Variants in RAD51B observed in about 807,000 individuals in gnomAD.
The protein encoded by RAD51B is DNA repair protein RAD51 homolog 2.
In RAD51B, 38 loss-of-function variants were observed where a neutral mutation model predicts 42.2. The ratio of observed to expected loss-of-function variants is 0.90; its 90% confidence interval spans 0.70 to 1.18. The LOEUF (loss-of-function observed/expected upper bound fraction) is 1.18, where lower values mean the gene tolerates loss of function less well. Among genes scored for constraint, RAD51B ranks in the 50% most tolerant of loss-of-function variants. The probability of loss-of-function intolerance (pLI) is 0.00; values close to 1 mark genes in which losing one functional copy is unlikely to be tolerated. For missense variants in RAD51B, 373 were observed against 400.7 expected (o/e 0.93, Z 0.59); for synonymous variants, 154 against 145.2 (o/e 1.06, Z -0.43).
rs546858618 is a variant in RAD51B at position 67,969,858 on chromosome 14, C to T, written c.756+82654C>T. 9.5e-4 allele frequency among the ~76,000 whole-genome samples: 145 copies of T among 152,142 alleles called. 1 individual carries two copies. The highest frequency in any genetic ancestry group is 3.2e-3 in the African/African-American group (134 of 41,510). On this transcript the variant is annotated intron_variant, in intron 7 of 10. Coordinates refer to ENST00000471583, the MANE Select transcript of RAD51B (RefSeq NM_133510.4). Reference sequence around the variant, plus strand: ...CAAACTGTAGACTAATCAATTAGACCACTAGTATTTGAATTTTTTTCTTTT... The same window carrying T: ...CAAACTGTAGACTAATCAATTAGACTACTAGTATTTGAATTTTTTTCTTTT...
At chr14:68,594,667 G>A in exon 11 of RAD51B, 2 of 1,278,566 alleles carry the variant, frequency 1.6e-6, no homozygotes, top group South Asian at 1.3e-5. Context: ...GGCTTCAAGA[G>A]ATCCACCCAC....
chr14:67,867,984 A>G (rs1354042538), intron 5 of RAD51B, among the ~76,000 whole-genome samples: 1 of 152,222 alleles, frequency 6.6e-6, no homozygotes, highest in Non-Finnish European at 1.5e-5. Context: ...ATTTCTTCCT[A>G]TAAATATCTA....
chr14:67,907,534 G>A (rs1260068069), intron 7 of RAD51B, among the ~76,000 whole-genome samples: 1 of 152,100 alleles, frequency 6.6e-6, no homozygotes, highest in East Asian at 1.9e-4. Context: ...TCATATGAAA[G>A]CTTGTTCATG....
rs1215301989 is a variant in RAD51B at position 67,889,726 on chromosome 14, G to A, written c.756+2522G>A. Among the ~76,000 whole-genome samples the A allele has an allele frequency of 1.6e-4, 25 of 151,918 alleles. 1 individual carries two copies. The highest frequency in any genetic ancestry group is 1.6e-3 in the Admixed American group (24 of 15,222). ...TCTACGTTAGTCCCTGAGAATTAAA[G>A]AGGAATTAATCGATATCACTTGATT... On this transcript the variant is annotated intron_variant, in intron 7 of 10. Coordinates refer to ENST00000471583, the MANE Select transcript of RAD51B (RefSeq NM_133510.4).
At chr14:68,470,081 C>T (rs879574278) in intron 10 of RAD51B, among the ~76,000 whole-genome samples, 3 of 152,034 alleles carry the variant, frequency 2.0e-5, no homozygotes, top group Non-Finnish European at 2.9e-5. Flanking sequence ...AATGACTTTT[C>T]GAAAAAGTTG....
At chr14:68,414,859 TAAA>T (rs33968049) in intron 9 of RAD51B, among the ~76,000 whole-genome samples, 8 of 71,220 alleles carry the variant, frequency 1.1e-4, no homozygotes, top group African/African-American at 2.9e-4. Context: ...CCATCTCTAC[TAAA>T]AAAAAAAAAA....
chr14:68,648,112 C>CGTATATATACGTAT (rs1555434149), intron 10 of RAD51B, among the ~76,000 whole-genome samples: 1 of 39,510 alleles, frequency 2.5e-5, no homozygotes, highest in Non-Finnish European at 4.6e-5. Flanking sequence ...TATACACACA[C>CGTATATATACGTAT]GTATATATAT....
chr14:68,109,672 C>T (rs1338072837), intron 7 of RAD51B, among the ~76,000 whole-genome samples: 1 of 151,836 alleles, frequency 6.6e-6, no homozygotes, highest in Non-Finnish European at 1.5e-5. Flanking sequence ...ATATAGATAG[C>T]AAGGAGCCAT....
At chr14:68,497,142 G>T (rs1013789067) in intron 10 of RAD51B, 1 of 1,398,284 alleles carries the variant, frequency 7.2e-7, no homozygotes, top group Non-Finnish European at 9.6e-7. Flanking sequence ...AATTCCTAGA[G>T]ACAGATAAAT....
At chr14:68,306,313 G>A (rs2081861225) in intron 8 of RAD51B, among the ~76,000 whole-genome samples, 1 of 152,202 alleles carries the variant, frequency 6.6e-6, no homozygotes, top group Non-Finnish European at 1.5e-5. Context: ...GCACTTTCAA[G>A]TTCAGGTAAT....
intron 10 of RAD51B, among the ~76,000 whole-genome samples, chr14:68,533,676 GAGA>G (rs142693376): frequency 0.059 from 8,933 of 152,090 alleles, 753 homozygotes; most frequent in African/African-American, 0.19. Context: ...GGTCTGAGGG[GAGA>G]AGAGATAAAT....
chr14:68,600,928 G>A (rs1891191155), downstream of RAD51B, among the ~76,000 whole-genome samples: 1 of 152,204 alleles, frequency 6.6e-6, no homozygotes, highest in Non-Finnish European at 1.5e-5. Context: ...AAGAATTGAG[G>A]TATTTCCTTA....
intron 7 of RAD51B, among the ~76,000 whole-genome samples, chr14:68,060,861 G>C (rs1341015336): frequency 6.6e-6 from 1 of 152,034 alleles, no homozygotes; most frequent in Non-Finnish European, 1.5e-5. Flanking sequence ...TGTTTTTAGT[G>C]CCTTTGTCAA....
chr14:68,423,028 G>A (rs1294035071), intron 9 of RAD51B, among the ~76,000 whole-genome samples: 1 of 152,128 alleles, frequency 6.6e-6, no homozygotes, highest in Non-Finnish European at 1.5e-5. Context: ...TTGCATCTCA[G>A]ACAAAGACTG....
chr14:68,371,755 G>C (rs1248310504), intron 8 of RAD51B, among the ~76,000 whole-genome samples: 1 of 152,222 alleles, frequency 6.6e-6, no homozygotes, highest in Non-Finnish European at 1.5e-5. Context: ...GGGGGCTGAG[G>C]TGGGAGAATG....
At chr14:68,405,356 A>G (rs539472937) in intron 8 of RAD51B, among the ~76,000 whole-genome samples, 3 of 152,248 alleles carry the variant, frequency 2.0e-5, no homozygotes, top group Admixed American at 2.0e-4. Context: ...AGGTGGGAGG[A>G]TTGCTTGAGC....
chr14:67,922,600 G>T (rs1401438016), intron 7 of RAD51B, among the ~76,000 whole-genome samples: 6 of 148,992 alleles, frequency 4.0e-5, no homozygotes, highest in Non-Finnish European at 8.9e-5. Flanking sequence ...GTGGTGTTTG[G>T]TTACATGGAT....
chr14:68,048,528 C>T (rs1323626028), intron 7 of RAD51B, among the ~76,000 whole-genome samples: 1 of 152,120 alleles, frequency 6.6e-6, no homozygotes, highest in Non-Finnish European at 1.5e-5. Context: ...TGCCTATGTC[C>T]TGAATGGTAT....
intron 7 of RAD51B, among the ~76,000 whole-genome samples, chr14:68,172,470 A>T (rs946540982): frequency 6.6e-6 from 1 of 152,214 alleles, no homozygotes. Context: ...CCTAAGTCAC[A>T]TAACCGTTTG....
Sources: gnomAD v4.1 joint callset for allele counts (sites outside exome capture counted in the v4.1 genomes callset) on GRCh38, gnomAD v4.1.1 for gene constraint, MANE v1.5 for transcripts, NCBI Gene and HGNC (gene_info 2026-07-23, HGNC 2026-07-21) for gene names.